The following PRKAR2A variants were observed in gnomAD, a reference collection of about 807,000 sequenced individuals.
PRKAR2A encodes cAMP-dependent protein kinase type II-alpha regulatory subunit.
Under a neutral mutation model 51.9 loss-of-function variants are expected in PRKAR2A, and 29 were observed. The observed-to-expected ratio is 0.56, with a 90% CI of 0.42 to 0.76. PRKAR2A has a LOEUF of 0.76. PRKAR2A is among the 30% of genes least tolerant of loss of function. The pLI is 0.00. For missense variants in PRKAR2A, 445 were observed against 512.1 expected (o/e 0.87, Z 1.26); for synonymous variants, 178 against 186.2 (o/e 0.96, Z 0.36).
chr3:48,841,054 T>C (rs1280896292), intron 1 of PRKAR2A, among the ~76,000 whole-genome samples: 13 of 150,748 alleles, frequency 8.6e-5, no homozygotes, highest in East Asian at 6.0e-4. Context: ...GCTAATTTTT[T>C]TTTTTTAATT....
At chr3:48,826,121 C>T (rs2083059637) in intron 1 of PRKAR2A, among the ~76,000 whole-genome samples, 1 of 152,096 alleles carries the variant, frequency 6.6e-6, no homozygotes. Flanking sequence ...TTAAAATTAG[C>T]CAGGTGTGGT....
At chr3:48,767,283 A>G (rs915308799) in intron 6 of PRKAR2A, among the ~76,000 whole-genome samples, 1 of 151,916 alleles carries the variant, frequency 6.6e-6, no homozygotes, top group African/African-American at 2.4e-5. Flanking sequence ...GTTCAAGACC[A>G]GCCTGGCCAA....
chr3:48,845,782 A>C (rs950948227), intron 1 of PRKAR2A, among the ~76,000 whole-genome samples: 1 of 152,134 alleles, frequency 6.6e-6, no homozygotes, highest in African/African-American at 2.4e-5. Flanking sequence ...CCCCGTCTCT[A>C]TAAAACACTT....
chr3:48,847,182 G>A lies in PRKAR2A; in HGVS notation c.262+153C>T, dbSNP rs978674907. 1.3e-5 allele frequency among the ~76,000 whole-genome samples: 2 copies of A among 152,196 alleles called. No individual in the cohort carries two copies. The highest frequency in any genetic ancestry group is 4.8e-5 in the African/African-American group (2 of 41,456). ...GAAGTGGCGCACGCGGGCTCACGCCGGTGTCTCAGGGAAACGCTAGAAACG... is the reference window on the plus strand; with the variant it reads ...GAAGTGGCGCACGCGGGCTCACGCCAGTGTCTCAGGGAAACGCTAGAAACG... On this transcript the variant is annotated intron_variant, in intron 1 of 10. Transcript: ENST00000265563. The surrounding 1 kb of genome is among the most constrained non-coding windows in gnomAD (Gnocchi z 4.4).
At chr3:48,839,316 C>T (rs1328574755) in intron 1 of PRKAR2A, among the ~76,000 whole-genome samples, 1 of 149,154 alleles carries the variant, frequency 6.7e-6, no homozygotes, top group African/African-American at 2.5e-5. Flanking sequence ...ATTATGGTGA[C>T]GGCTGCACAC....
intron 4 of PRKAR2A, among the ~76,000 whole-genome samples, chr3:48,788,190 C>A (rs1283122879): frequency 6.6e-6 from 1 of 152,026 alleles, no homozygotes; most frequent in Non-Finnish European, 1.5e-5. Flanking sequence ...GCCACCACGC[C>A]CAGCTAATTT....
chr3:48,809,264 G>A (rs2082731302), intron 1 of PRKAR2A, among the ~76,000 whole-genome samples: 3 of 152,002 alleles, frequency 2.0e-5, no homozygotes, highest in Admixed American at 2.0e-4. Flanking sequence ...TGAACAGAAG[G>A]AAAACAAATA....
chr3:48,846,691 C>G (rs2107479098), intron 1 of PRKAR2A, among the ~76,000 whole-genome samples: 1 of 152,276 alleles, frequency 6.6e-6, no homozygotes, highest in East Asian at 1.9e-4. Context: ...TTGATTCAAT[C>G]GTTTTGGCCA....
At chr3:48,824,461 T>C (rs2083024070) in intron 1 of PRKAR2A, among the ~76,000 whole-genome samples, 1 of 151,782 alleles carries the variant, frequency 6.6e-6, no homozygotes, top group South Asian at 2.1e-4. Context: ...GTTCATTACT[T>C]GGGTGATAAG....
intron 1 of PRKAR2A, among the ~76,000 whole-genome samples, chr3:48,845,768 G>A (rs577356461): frequency 6.6e-6 from 1 of 152,170 alleles, no homozygotes; most frequent in Admixed American, 6.6e-5. Flanking sequence ...GCAACACAGG[G>A]AGACCCCGTC....
At position 48,752,198 on chromosome 3, in the gene PRKAR2A, T is replaced by A. The variant is rs2081659439; in HGVS notation, c.1059A>T (p.Ala353=). Residue 353 remains alanine, a synonymous_variant, in exon 10 of 11, where the codon GCA becomes GCT. Coordinates refer to ENST00000265563, the MANE Select transcript of PRKAR2A (RefSeq NM_004157.4). The part of the protein sequence containing the change: ...TNKPRAASAY[A]VGDVKCLVMD... ...TACCTAAGCATTTGACATCTCCAAC[T>A]GCATAAGCTGAGGCAGCTCTGGGTT... The A allele has an allele frequency of 6.2e-7, 1 of 1,613,662 alleles. No individual in the cohort carries two copies. Among genetic ancestry groups the A allele is most frequent in the South Asian group, 1.1e-5 (1 of 91,010 alleles).
At chr3:48,829,125 C>T (rs918590688) in intron 1 of PRKAR2A, among the ~76,000 whole-genome samples, 3 of 151,826 alleles carry the variant, frequency 2.0e-5, no homozygotes, top group Admixed American at 1.3e-4. Flanking sequence ...CGTGAGCCAC[C>T]GCACCCAGCT....
chr3:48,796,692 G>A (rs1242081647), intron 2 of PRKAR2A, among the ~76,000 whole-genome samples: 1 of 123,184 alleles, frequency 8.1e-6, no homozygotes, highest in South Asian at 2.6e-4. Flanking sequence ...TTTTTGCCAT[G>A]TTGGCCAGGC....
At chr3:48,776,610 G>A (rs2082109388) in intron 5 of PRKAR2A, among the ~76,000 whole-genome samples, 1 of 152,124 alleles carries the variant, frequency 6.6e-6, no homozygotes. Context: ...GGAGGCTGAG[G>A]CAGACAGATC....
intron 9 of PRKAR2A, 144 bp from the exon 10 acceptor site, chr3:48,752,461 G>GGAC: frequency 1.1e-6 from 1 of 900,712 alleles, no homozygotes; most frequent in Non-Finnish European, 1.7e-6. Flanking sequence ...ACTGTACCAT[G>GGAC]TAAACTCCAT....
intron 1 of PRKAR2A, among the ~76,000 whole-genome samples, chr3:48,839,939 G>A (rs2083349620): frequency 6.6e-6 from 1 of 152,020 alleles, no homozygotes; most frequent in Non-Finnish European, 1.5e-5. Context: ...TACATACATT[G>A]TGCAACCATC....
At chr3:48,766,985 T>C (rs2081951032) in intron 6 of PRKAR2A, among the ~76,000 whole-genome samples, 1 of 152,122 alleles carries the variant, frequency 6.6e-6, no homozygotes, top group African/African-American at 2.4e-5. Flanking sequence ...GCTTAGTAAG[T>C]AATGGATTCT....
chr3:48,776,415 T>G (rs1575861807), intron 5 of PRKAR2A, among the ~76,000 whole-genome samples: 1 of 152,172 alleles, frequency 6.6e-6, no homozygotes, highest in Non-Finnish European at 1.5e-5. Context: ...AAACTATATG[T>G]AATTTCATCT....
Position 48,749,256 on chromosome 3 carries a change from G to A in PRKAR2A, c.*2329C>T, listed in dbSNP as rs1324168222. On this transcript the variant is annotated 3_prime_UTR_variant, in exon 11 of 11. Coordinates refer to ENST00000265563, the MANE Select transcript of PRKAR2A (RefSeq NM_004157.4). ...CACACTGCTCCTAGGAGCCCTTATA[G>A]CATCTGATTCTAAGTTATTCTGAAG... 3.3e-5 allele frequency: 5 copies of A among 151,956 alleles called. No individual in the cohort carries two copies. Among genetic ancestry groups the A allele is most frequent in the Non-Finnish European group, 7.4e-5 (5 of 68,004 alleles). 9.4% of individuals were successfully genotyped at this position (151,956 alleles called of 1,614,324 possible).
Sources: gnomAD v4.1 joint callset for allele counts (sites outside exome capture counted in the v4.1 genomes callset) on GRCh38, gnomAD v4.1.1 for gene constraint, Gnocchi (gnomAD v3.1) non-coding constraint, MANE v1.5 for transcripts, NCBI Gene and HGNC (gene_info 2026-07-23, HGNC 2026-07-21) for gene names.